DEPDC5: variants seen among roughly 807,000 people sequenced by gnomAD.
DEPDC5 encodes the protein DEP domain containing 5, GATOR1 subcomplex subunit, also known as GATOR1 complex protein DEPDC5.
Under a neutral mutation model 217.3 loss-of-function variants are expected in DEPDC5, and 73 were observed. The observed-to-expected ratio is 0.34, with a 90% confidence interval of 0.28 to 0.41. DEPDC5 has a LOEUF of 0.41. DEPDC5 is among the 10% of genes least tolerant of loss of function. DEPDC5 has a pLI of 1.00. For missense variants in DEPDC5, 1,675 were observed against 2,070.1 expected (o/e 0.81, Z 3.70); for synonymous variants, 733 against 756.7 (o/e 0.97, Z 0.51).
At chr22:31,781,248 CAA>C (rs2084411510) in intron 8 of DEPDC5, among the ~76,000 whole-genome samples, 2 of 148,236 alleles carry the variant, frequency 1.3e-5, no homozygotes, top group South Asian at 4.3e-4. Flanking sequence ...AAAAAAAAAA[CAA>C]AGAATTTATT....
intron 12 of DEPDC5, among the ~76,000 whole-genome samples, chr22:31,794,763 G>T (rs1371708198): frequency 6.6e-6 from 1 of 152,038 alleles, no homozygotes; most frequent in Non-Finnish European, 1.5e-5. Flanking sequence ...GTGCGCGCCT[G>T]TAGTTTCAGC....
chr22:31,765,689 A>C (rs571851000), intron 5 of DEPDC5, among the ~76,000 whole-genome samples: 17 of 152,322 alleles, frequency 1.1e-4, no homozygotes, highest in South Asian at 2.1e-4. Context: ...GCGCTATTGC[A>C]CTTCAGCCTG....
intron 10 of DEPDC5, among the ~76,000 whole-genome samples, chr22:31,786,007 C>G (rs1471538083): frequency 6.6e-6 from 1 of 152,028 alleles, no homozygotes; most frequent in Non-Finnish European, 1.5e-5. Context: ...TGGCTCATAC[C>G]TGTAATCTCA....
At chr22:31,764,398 T>A (rs1401657303) in intron 4 of DEPDC5, among the ~76,000 whole-genome samples, 1 of 152,030 alleles carries the variant, frequency 6.6e-6, no homozygotes, top group Non-Finnish European at 1.5e-5. Context: ...CTTTGAACTT[T>A]CTTATCTTCC....
rs1179186535 is a variant in DEPDC5 at position 31,783,984 on chromosome 22, T to C, written c.561T>C (p.Tyr187=). ...MSCEMWDFDI[Y]GDLYFEKAVN... Reference sequence around the variant, plus strand: ...GTGAAATGTGGGATTTTGATATTTATGGTACTGTGTCTATGTGCTGATTGT... The same window carrying C: ...GTGAAATGTGGGATTTTGATATTTACGGTACTGTGTCTATGTGCTGATTGT... The change falls in exon 9 of 43, where the codon TAT becomes TAC. Residue 187 remains tyrosine, a splice_region_variant and synonymous_variant. Transcript: ENST00000651528. The C allele has an allele frequency of 6.2e-7, 1 of 1,613,540 alleles. No individual in the cohort carries two copies.
intron 24 of DEPDC5, among the ~76,000 whole-genome samples, chr22:31,831,654 T>G (rs1040508184): frequency 6.6e-6 from 1 of 152,082 alleles, no homozygotes; most frequent in African/African-American, 2.4e-5. Flanking sequence ...AGAGACGAGG[T>G]TTCACCATGT....
At chr22:31,869,514 G>A (rs559270804) in intron 33 of DEPDC5, among the ~76,000 whole-genome samples, 60 of 149,266 alleles carry the variant, frequency 4.0e-4, no homozygotes, top group Admixed American at 1.6e-3. Context: ...GCAGTGAGCC[G>A]AGATTGCGCC....
chr22:31,825,245 C>T (rs900283570), intron 24 of DEPDC5, among the ~76,000 whole-genome samples: 2 of 152,168 alleles, frequency 1.3e-5, no homozygotes, highest in African/African-American at 4.8e-5. Flanking sequence ...CCTGGGATAG[C>T]TCAGGTGGAC....
At chr22:31,821,252 C>A (rs1430216856) in intron 22 of DEPDC5, among the ~76,000 whole-genome samples, 1 of 152,230 alleles carries the variant, frequency 6.6e-6, no homozygotes, top group Admixed American at 6.5e-5. Flanking sequence ...ATTCAGTTGA[C>A]ACACCTGAGG....
Position 31,906,646 on chromosome 22 carries a change from G to GTTT in DEPDC5, c.*150_*152dup. The GTTT allele has an allele frequency of 8.9e-7, 1 of 1,120,250 alleles. No individual in the cohort carries two copies. Among genetic ancestry groups the GTTT allele is most frequent in the Non-Finnish European group, 1.3e-6 (1 of 795,864 alleles). 69.4% of individuals were successfully genotyped at this position (1,120,250 alleles called of 1,614,324 possible). ...TTGTTTTTTGTTTGTTTGTTTGTTT[G>GTTT]TTTGTTTGTTTTTGGCCCCCACGAC... is the stretch of plus-strand genomic sequence containing the variant. On this transcript the variant is annotated 3_prime_UTR_variant, in exon 43 of 43. Coordinates refer to ENST00000651528, the MANE Select transcript of DEPDC5 (RefSeq NM_001242896.3). This position sits in a 1 kb window ranked among gnomAD's most constrained non-coding sequence, Gnocchi z 5.1.
At position 31,804,782 on chromosome 22, in the gene DEPDC5, A is replaced by T. The variant is rs2087311834; in HGVS notation, c.1144-60A>T. On this transcript the variant is annotated intron_variant, in intron 16 of 42. Coordinates refer to ENST00000651528, the MANE Select transcript of DEPDC5 (RefSeq NM_001242896.3). Reference sequence around the variant, plus strand: ...AAAACCTGAAAAACAGAAAAGTTAGAGCAGTTCCAAAACCTACTTGTTCTG... The same window carrying T: ...AAAACCTGAAAAACAGAAAAGTTAGTGCAGTTCCAAAACCTACTTGTTCTG... The T allele has an allele frequency of 2.6e-6, 4 of 1,531,168 alleles. No homozygotes were observed. In the South Asian group the frequency reaches 4.6e-5, roughly 18 times the overall value. The allele number at this position is 1,531,168 out of a possible 1,614,324, so 94.8% of individuals were successfully genotyped here.
rs1294592246 is a variant in DEPDC5, at chr22:31,897,984, A to G, written c.4375+331A>G. ...GTGTTCTCCCACGCTCTCCTTTCAT[A>G]TGCTCCAGCCTAACTGGTTTGGGCT... On this transcript the variant is annotated intron_variant, in intron 40 of 42. Coordinates refer to ENST00000651528, the MANE Select transcript of DEPDC5 (RefSeq NM_001242896.3). 8.5e-5 allele frequency among the ~76,000 whole-genome samples: 13 copies of G among 152,184 alleles called. No homozygotes were observed. In the South Asian group the frequency reaches 1.2e-3, roughly 15 times the overall value.
At chr22:31,817,750 G>A (rs1259647557) in intron 21 of DEPDC5, among the ~76,000 whole-genome samples, 1 of 151,866 alleles carries the variant, frequency 6.6e-6, no homozygotes, top group African/African-American at 2.4e-5. Context: ...GTCTCCCAAA[G>A]TGCTGGGATT....
intron 31 of DEPDC5, among the ~76,000 whole-genome samples, chr22:31,849,402 T>C (rs919658529): frequency 9.2e-5 from 14 of 151,922 alleles, no homozygotes; most frequent in African/African-American, 3.4e-4. Context: ...AAAATCATGG[T>C]GGAAGGGGAA....
rs1013917738 is a variant in DEPDC5, at chr22:31,887,406, C to T, written c.4034-6176C>T. Among the ~76,000 whole-genome samples, 5 of 98,298 alleles carry T rather than the reference C, an allele frequency of 5.1e-5. No individual in the cohort carries two copies. In the Admixed American group the frequency reaches 5.5e-4, roughly 11 times the overall value. 64.5% of individuals were successfully genotyped at this position (98,298 alleles called of 152,430 possible). On this transcript the variant is annotated intron_variant, in intron 38 of 42. Transcript: ENST00000651528. ...TGCACTCCAGTCTGGGCAACAAAAG[C>T]GAAACTCTGTCTCAAAAAAAAAAAA... is the stretch of plus-strand genomic sequence containing the variant.
At chr22:31,867,650 T>C (rs1044288033) in intron 33 of DEPDC5, among the ~76,000 whole-genome samples, 1 of 150,252 alleles carries the variant, frequency 6.7e-6, no homozygotes, top group Admixed American at 6.6e-5. Context: ...CTGTGGCTGC[T>C]TTCTCACTTT....
intron 38 of DEPDC5, among the ~76,000 whole-genome samples, chr22:31,889,251 C>G (rs1000664111): frequency 2.6e-5 from 4 of 152,210 alleles, no homozygotes; most frequent in Non-Finnish European, 5.9e-5. Flanking sequence ...TTACTGAAAG[C>G]TGAACTCAGC....
intron 4 of DEPDC5, among the ~76,000 whole-genome samples, chr22:31,763,845 TA>T (rs532216230): frequency 6.7e-6 from 1 of 150,172 alleles, no homozygotes; most frequent in Admixed American, 6.7e-5. Context: ...CAAGGAGCAG[TA>T]AAAAAAAAAT....
intron 25 of DEPDC5, 90 bp downstream of exon 25, chr22:31,834,070 G>A (rs1804294189): frequency 3.0e-6 from 4 of 1,322,992 alleles, no homozygotes; most frequent in Non-Finnish European, 4.4e-6. Context: ...CCTGTGGGAA[G>A]TGAGTGGTCC....
Sources: allele counts gnomAD v4.1 joint callset (sites outside exome capture counted in the v4.1 genomes callset), GRCh38; gene constraint gnomAD v4.1.1; non-coding constraint Gnocchi (gnomAD v3.1); transcripts MANE v1.5; gene names NCBI Gene and HGNC (gene_info 2026-07-23, HGNC 2026-07-21).